The following CECR2 variants were observed in gnomAD, a reference collection of about 807,000 sequenced individuals.
CECR2 encodes chromatin remodeling regulator CECR2.
In CECR2, 30 loss-of-function variants were observed where a neutral mutation model predicts 154.5. The observed-to-expected ratio is 0.19, with a 90% confidence interval of 0.15 to 0.26. CECR2 has a LOEUF of 0.26. Ranked by LOEUF, CECR2 falls within the 10% of genes least tolerant of loss-of-function variation. The probability of loss-of-function intolerance (pLI) is 1.00; values close to 1 mark genes in which losing one functional copy is unlikely to be tolerated. For synonymous variants in CECR2, 725 were observed against 683.7 expected, an observed-to-expected ratio of 1.06 and a Z score of -0.94; for missense variants, 1,743 against 1,829.3, an observed-to-expected ratio of 0.95 and a Z score of 0.86.
chr22:17,527,893 C>G (rs1438759008), intron 9 of CECR2, among the ~76,000 whole-genome samples: 1 of 152,006 alleles, frequency 6.6e-6, no homozygotes, highest in African/African-American at 2.4e-5. Flanking sequence ...GGTTTATACC[C>G]AAAGGACAGG....
chr22:17,436,631 G>A lies in CECR2; in HGVS notation c.127-40957G>A, dbSNP rs563098446. ...CCTACTTCTGAAATGCCTGTGCAAT[G>A]CTGACTGAGTTTGTCACCAGTAAGT... On this transcript the variant is annotated intron_variant, in intron 1 of 18. Coordinates refer to ENST00000262608, the MANE Select transcript of CECR2 (RefSeq NM_001290047.2). Among the ~76,000 whole-genome samples the A allele has an allele frequency of 6.6e-5, 10 of 152,356 alleles. No individual in the cohort carries two copies. In the East Asian group the frequency reaches 1.3e-3, roughly 21 times the overall value.
In CECR2 at chr22:17,369,793, G is replaced by C. The variant is rs2063032602; in HGVS notation, c.10G>C (p.Glu4Gln). The C allele has an allele frequency of 6.6e-6, 1 of 151,032 alleles. No individual in the cohort carries two copies. The highest frequency in any genetic ancestry group is 1.5e-5 in the Non-Finnish European group (1 of 67,706). The allele number at this position is 151,032 out of a possible 1,614,324, so 9.4% of individuals were successfully genotyped here. ...GTGCCGCAGCGGGGAGATGTGCCCA[G>C]AGGAGGGCGGCGCGGCCGGGCTGGG... is the stretch of plus-strand genomic sequence containing the variant. MCP[E>Q]EGGAAGLGEL... The change falls in exon 1 of 19, where the codon GAG becomes CAG. Residue 4 changes from glutamate (E) to glutamine (Q), a missense_variant. By Grantham distance (29) the Glu-to-Gln change is conservative (BLOSUM62 2). Around this residue, in one of 4 missense-constraint regions of CECR2, gnomAD observed 98 missense variants for 169.3 expected, o/e 0.58. Coordinates refer to ENST00000262608, the MANE Select transcript of CECR2 (RefSeq NM_001290047.2).
At chr22:17,382,225 G>C (rs912019788) in intron 1 of CECR2, among the ~76,000 whole-genome samples, 6 of 152,156 alleles carry the variant, frequency 3.9e-5, no homozygotes, top group East Asian at 1.9e-4. Flanking sequence ...AATAGAAAAA[G>C]AGGTTGAGAG....
At chr22:17,373,562 C>G (rs533778567) in intron 1 of CECR2, among the ~76,000 whole-genome samples, 29 of 152,238 alleles carry the variant, frequency 1.9e-4, no homozygotes, top group East Asian at 5.8e-4. Flanking sequence ...TAAATATGCC[C>G]GCAGTGTAAT....
chr22:17,545,967 G>A (rs1196332470), intron 16 of CECR2, among the ~76,000 whole-genome samples: 4 of 151,962 alleles, frequency 2.6e-5, no homozygotes, highest in Non-Finnish European at 5.9e-5. Context: ...TGGAAGGATT[G>A]CTTGAACCCT....
rs372951070 is a variant in CECR2 at position 17,477,573 on chromosome 22, C to T, written c.127-15C>T. The T allele has an allele frequency of 1.4e-4, 220 of 1,562,298 alleles. 3 individuals are homozygous for T. The highest frequency in any genetic ancestry group is 3.6e-5 in the Non-Finnish European group (41 of 1,133,920). ...CTCTGTTTGATTTCTCAACTTCCCT[C>T]TCTCCCTCCCTCAGGAGTTAGAAGC... On this transcript the variant is annotated splice_polypyrimidine_tract_variant and intron_variant, in intron 1 of 18. Coordinates refer to ENST00000262608, the MANE Select transcript of CECR2 (RefSeq NM_001290047.2).
intron 1 of CECR2, among the ~76,000 whole-genome samples, chr22:17,378,339 C>T (rs1218299446): frequency 6.7e-6 from 1 of 150,062 alleles, no homozygotes; most frequent in Non-Finnish European, 1.5e-5. Flanking sequence ...CTCTGTTGTC[C>T]AGGCTGGAGT....
intron 2 of CECR2, 95 bp downstream of exon 2, chr22:17,477,777 G>A (rs911077203): frequency 1.0e-5 from 9 of 863,564 alleles, no homozygotes; most frequent in South Asian, 2.7e-5. Context: ...AACCAGAACC[G>A]ATCATTAGGC....
At chr22:17,546,810 G>T (rs529964688) in intron 16 of CECR2, among the ~76,000 whole-genome samples, 1 of 152,018 alleles carries the variant, frequency 6.6e-6, no homozygotes, top group East Asian at 2.0e-4. Flanking sequence ...AGGCTGAGGC[G>T]GGTGGATCAC....
chr22:17,414,824 A>G (rs2054132788), intron 1 of CECR2, among the ~76,000 whole-genome samples: 1 of 152,024 alleles, frequency 6.6e-6, no homozygotes, highest in South Asian at 2.1e-4. Flanking sequence ...GTGGGAGTGG[A>G]TTATAGCTAG....
intron 1 of CECR2, among the ~76,000 whole-genome samples, chr22:17,434,945 C>T (rs960214924): frequency 7.9e-5 from 12 of 152,118 alleles, no homozygotes; most frequent in Non-Finnish European, 1.2e-4. Flanking sequence ...TGTTGAAGTA[C>T]GAGCTAACCT....
At chr22:17,465,762 C>T (rs949607393) in intron 1 of CECR2, among the ~76,000 whole-genome samples, 2 of 152,076 alleles carry the variant, frequency 1.3e-5, no homozygotes, top group African/African-American at 4.8e-5. Flanking sequence ...GGATTACAGG[C>T]GTGAGCCATC....
intron 7 of CECR2, among the ~76,000 whole-genome samples, chr22:17,508,286 G>A (rs2055882394): frequency 6.6e-6 from 1 of 151,856 alleles, no homozygotes; most frequent in Non-Finnish European, 1.5e-5. Flanking sequence ...GTACTGTAAT[G>A]TCCTAACCTT....
chr22:17,464,699 A>G (rs965813679), intron 1 of CECR2, among the ~76,000 whole-genome samples: 2 of 152,174 alleles, frequency 1.3e-5, no homozygotes, highest in Admixed American at 1.3e-4. Context: ...ATGAGATCTC[A>G]CAAAGTTGCC....
At chr22:17,490,361 C>G (rs926721979) in intron 2 of CECR2, among the ~76,000 whole-genome samples, 1 of 152,114 alleles carries the variant, frequency 6.6e-6, no homozygotes, top group Non-Finnish European at 1.5e-5. Context: ...TCTGCTTTGT[C>G]TCATATTAAT....
At chr22:17,493,866 C>T (rs1185764716) in intron 2 of CECR2, among the ~76,000 whole-genome samples, 1 of 152,212 alleles carries the variant, frequency 6.6e-6, no homozygotes, top group African/African-American at 2.4e-5. Context: ...ATCTTCTGCA[C>T]ATCCTCCAGT....
rs546920261 is a variant in CECR2, at chr22:17,469,260, C to T, written c.127-8328C>T. On this transcript the variant is annotated intron_variant, in intron 1 of 18. Coordinates refer to ENST00000262608, the MANE Select transcript of CECR2 (RefSeq NM_001290047.2). ...GCCAGGCTCTGTGTTATGTGCTGAC[C>T]TCACCTCCCTACACTGTTGCATTGG... Among the ~76,000 whole-genome samples the T allele has an allele frequency of 5.9e-5, 9 of 152,026 alleles. No individual in the cohort carries two copies. The South Asian group carries it at 1.9e-3, about 32-fold the overall frequency.
intron 1 of CECR2, among the ~76,000 whole-genome samples, chr22:17,389,219 C>T (rs904830463): frequency 6.6e-6 from 1 of 152,156 alleles, no homozygotes; most frequent in Admixed American, 6.5e-5. Context: ...TTCAGTTTTA[C>T]ACCATGTGCT....
intron 1 of CECR2, among the ~76,000 whole-genome samples, chr22:17,473,825 C>T (rs2055166990): frequency 6.6e-6 from 1 of 152,158 alleles, no homozygotes; most frequent in South Asian, 2.1e-4. Flanking sequence ...AAATGCCAGC[C>T]GCATATCTGA....
Sources: gnomAD v4.1 joint callset for allele counts (sites outside exome capture counted in the v4.1 genomes callset) on GRCh38, gnomAD v4.1.1 for gene constraint, gnomAD v4.1.1 regional missense constraint, MANE v1.5 for transcripts, NCBI Gene and HGNC (gene_info 2026-07-23, HGNC 2026-07-21) for gene names.